The following KIAA0319 variants were observed in gnomAD, a reference collection of about 807,000 sequenced individuals.
KIAA0319 encodes the protein dyslexia-associated protein KIAA0319.
In KIAA0319, 83 loss-of-function variants were observed where a neutral mutation model predicts 108.4. The observed-to-expected ratio is 0.77, with a 90% CI of 0.64 to 0.92. KIAA0319 has a LOEUF of 0.92. KIAA0319 is among the 40% of genes least tolerant of loss of function. The probability of loss-of-function intolerance (pLI) is 0.00; values close to 1 mark genes in which losing one functional copy is unlikely to be tolerated. For missense variants in KIAA0319, 1,195 were observed against 1,322.4 expected (o/e 0.90, Z 1.49); for synonymous variants, 484 against 510.4 (o/e 0.95, Z 0.70).
intron 3 of KIAA0319, among the ~76,000 whole-genome samples, chr6:24,590,605 T>C (rs527620001): frequency 7.0e-4 from 107 of 152,350 alleles, no homozygotes; most frequent in African/African-American, 2.4e-3. Context: ...ATTGAATTTT[T>C]TTTTAATCAA....
chr6:24,629,634 T>A (rs1582318771), intron 1 of KIAA0319, among the ~76,000 whole-genome samples: 1 of 152,204 alleles, frequency 6.6e-6, no homozygotes, highest in Middle Eastern at 3.4e-3. Context: ...GGCTGCTACC[T>A]TTTTTAAAAA....
chr6:24,636,329 C>T (rs1237308494), intron 1 of KIAA0319, among the ~76,000 whole-genome samples: 1 of 152,206 alleles, frequency 6.6e-6, no homozygotes, highest in Non-Finnish European at 1.5e-5. Context: ...ATTCAATGAC[C>T]ACTTTGGAAC....
At chr6:24,559,210 G>A (rs781770632) in intron 16 of KIAA0319, 55 bp from the exon 17 acceptor site, 36 of 1,581,476 alleles carry the variant, frequency 2.3e-5, no homozygotes, top group Non-Finnish European at 3.0e-5. Context: ...TGACTACCAT[G>A]ACACGCCCAC....
intron 1 of KIAA0319, among the ~76,000 whole-genome samples, chr6:24,602,453 G>A (rs907340753): frequency 6.6e-6 from 1 of 152,206 alleles, no homozygotes; most frequent in African/African-American, 2.4e-5. Flanking sequence ...GCAGAACCGG[G>A]GTCAGAGGCT....
intron 1 of KIAA0319, among the ~76,000 whole-genome samples, chr6:24,602,700 C>T (rs1157499325): frequency 4.6e-5 from 7 of 152,124 alleles, no homozygotes; most frequent in African/African-American, 1.4e-4. Flanking sequence ...ACTCGGGAGG[C>T]TGAGGCAGGA....
chr6:24,639,620 C>T (rs1340454470), intron 1 of KIAA0319, among the ~76,000 whole-genome samples: 4 of 152,074 alleles, frequency 2.6e-5, no homozygotes, highest in Non-Finnish European at 5.9e-5. Context: ...GAGGCCAAGG[C>T]GGGCAGATCA....
chr6:24,607,815 T>A (rs1416851337), intron 1 of KIAA0319, among the ~76,000 whole-genome samples: 1 of 152,192 alleles, frequency 6.6e-6, no homozygotes, highest in Non-Finnish European at 1.5e-5. Context: ...GCATTTTAAA[T>A]AAAAATATGT....
intron 2 of KIAA0319, chr6:24,597,947 A>AAAAAAAAAAAAAAC (rs1769973733): frequency 6.8e-6 from 1 of 147,806 alleles, no homozygotes; most frequent in Non-Finnish European, 1.4e-5. Flanking sequence ...AAAAAAAAAA[A>AAAAAAAAAAAAAAC]AAACCACCTA....
chr6:24,542,594 T>A (rs191447840), downstream of KIAA0319, among the ~76,000 whole-genome samples: 2 of 152,188 alleles, frequency 1.3e-5, no homozygotes, highest in African/African-American at 4.8e-5. Flanking sequence ...ACACCTGTAG[T>A]CCCACCTACT....
chr6:24,644,282 G>A (rs973007849), intron 1 of KIAA0319, among the ~76,000 whole-genome samples: 17 of 152,130 alleles, frequency 1.1e-4, no homozygotes, highest in Admixed American at 1.0e-3. Flanking sequence ...GGAGACTCTG[G>A]CTACCCATGA....
intron 18 of KIAA0319, among the ~76,000 whole-genome samples, chr6:24,556,277 CT>C (rs1762277498): frequency 6.6e-6 from 1 of 150,916 alleles, no homozygotes; most frequent in South Asian, 2.1e-4. Flanking sequence ...ACTTCCTGGG[CT>C]GAAGCAATTG....
Position 24,547,154 on chromosome 6 carries a change from G to A in KIAA0319, c.*11C>T, listed in dbSNP as rs1348060950. On this transcript the variant is annotated 3_prime_UTR_variant, in exon 21 of 21. Transcript: ENST00000378214. The stretch of plus-strand genomic sequence containing the variant: ...TCAAGGGGTCCTTCCACTTTACAAT[G>A]AACTGCGCCATTATCTGTCCTTTGA... 6.2e-7 allele frequency: 1 copy of A among 1,613,810 alleles called. No individual in the cohort carries two copies. Among genetic ancestry groups the A allele is most frequent in the South Asian group, 1.1e-5 (1 of 91,000 alleles).
chr6:24,577,281 G>A (rs1765687946), intron 9 of KIAA0319, among the ~76,000 whole-genome samples: 1 of 152,194 alleles, frequency 6.6e-6, no homozygotes. Flanking sequence ...GGTTGAGCAT[G>A]CAGAGACAGC....
At position 24,595,948 on chromosome 6, in the gene KIAA0319, T is replaced by C; in HGVS notation, c.726A>G (p.Pro242=). The C allele has an allele frequency of 6.2e-7, 1 of 1,614,152 alleles. No homozygotes were observed. Among genetic ancestry groups the C allele is most frequent in the Non-Finnish European group, 8.5e-7 (1 of 1,180,018 alleles). Residue 242 remains proline (P), a synonymous_variant, in exon 3 of 21, where the codon CCA becomes CCG. Transcript: ENST00000378214. ...RSVLLPLPTT[P]SSGEVLEKEK... Reference sequence around the variant, plus strand: ...CTTTCTCCAACACCTCTCCTGAAGATGGAGTAGTCGGCAAGGGAAGCAACA... The same window carrying C: ...CTTTCTCCAACACCTCTCCTGAAGACGGAGTAGTCGGCAAGGGAAGCAACA...
chr6:24,609,035 A>G (rs1771891863), intron 1 of KIAA0319, among the ~76,000 whole-genome samples: 1 of 147,774 alleles, frequency 6.8e-6, no homozygotes, highest in Admixed American at 6.7e-5. Context: ...TGGGAGGCTG[A>G]GGCAGGTGGA....
intron 14 of KIAA0319, among the ~76,000 whole-genome samples, chr6:24,564,943 T>C (rs1174614757): frequency 6.6e-6 from 1 of 152,164 alleles, no homozygotes; most frequent in African/African-American, 2.4e-5. Flanking sequence ...ATTCTAGAAG[T>C]GCTTAGAAAG....
intron 1 of KIAA0319, among the ~76,000 whole-genome samples, chr6:24,636,016 C>A (rs1416099423): frequency 6.6e-6 from 1 of 152,166 alleles, no homozygotes; most frequent in African/African-American, 2.4e-5. Context: ...AAACCAGAGG[C>A]ATGTCAATGA....
Position 24,547,067 on chromosome 6 carries a change from G to T in KIAA0319, c.*98C>A. On this transcript the variant is annotated 3_prime_UTR_variant, in exon 21 of 21. Transcript: ENST00000378214. ...CACATCTAACCCACTGGGGAAGAAG[G>T]TCAATGAACTATTCTAAAAGAGTGG... 1 of 1,275,078 alleles carries T rather than the reference G, an allele frequency of 7.8e-7. No homozygotes were observed. The highest frequency in any genetic ancestry group is 1.5e-5 in the African/African-American group (1 of 68,260). 79.0% of individuals were successfully genotyped at this position (1,275,078 alleles called of 1,614,324 possible).
intron 1 of KIAA0319, among the ~76,000 whole-genome samples, chr6:24,617,094 A>G (rs992803902): frequency 1.3e-5 from 2 of 152,144 alleles, no homozygotes; most frequent in Non-Finnish European, 2.9e-5. Context: ...TTGATATTTA[A>G]TATCATAAAA....
Sources: gnomAD v4.1 joint callset for allele counts (sites outside exome capture counted in the v4.1 genomes callset) on GRCh38, gnomAD v4.1.1 for gene constraint, MANE v1.5 for transcripts, NCBI Gene and HGNC (gene_info 2026-07-23, HGNC 2026-07-21) for gene names.